The following MARCHF10 variants were observed in gnomAD, a reference collection of about 807,000 sequenced individuals.
MARCHF10 encodes the protein probable E3 ubiquitin-protein ligase MARCHF10.
Under a neutral mutation model 76.2 loss-of-function variants are expected in MARCHF10, and 64 were observed. The ratio of observed to expected loss-of-function variants is 0.84; its 90% CI spans 0.69 to 1.03. MARCHF10 has a LOEUF of 1.03. Among genes scored for constraint, MARCHF10 ranks in the 50% least tolerant of loss-of-function variants. The pLI, the probability that MARCHF10 is intolerant of heterozygous loss-of-function variation, is 0.00. For missense variants in MARCHF10, 875 were observed against 958.0 expected (o/e 0.91, Z 1.14); for synonymous variants, 340 against 357.5 (o/e 0.95, Z 0.55).
At chr17:62,724,591 C>T (rs1378466777) in intron 7 of MARCHF10, among the ~76,000 whole-genome samples, 1 of 152,174 alleles carries the variant, frequency 6.6e-6, no homozygotes, top group African/African-American at 2.4e-5. Context: ...TGAGCTTCCA[C>T]CGCTGACCCA....
At chr17:62,774,683 G>A (rs751651660) in intron 3 of MARCHF10, among the ~76,000 whole-genome samples, 5 of 152,182 alleles carry the variant, frequency 3.3e-5, no homozygotes, top group African/African-American at 4.8e-5. Flanking sequence ...CTCCTGTAAC[G>A]TCCTCTCTAC....
chr17:62,766,667 T>C lies in MARCHF10; in HGVS notation c.211-6661A>G, dbSNP rs1347399457. Among the ~76,000 whole-genome samples, 3 of 152,156 alleles carry C rather than the reference T, an allele frequency of 2.0e-5. No homozygotes were observed. The East Asian group carries it at 5.8e-4, about 29-fold the overall frequency. On this transcript the variant is annotated intron_variant, in intron 3 of 10. Transcript: ENST00000311269. ...CATATTCTTTTAGCTGAGAGGAGCA[T>C]CTGAGCAACACCAGGGGGCTTGGCC...
chr17:62,755,501 G>A (rs1478245960), intron 4 of MARCHF10, among the ~76,000 whole-genome samples: 1 of 152,160 alleles, frequency 6.6e-6, no homozygotes, highest in Non-Finnish European at 1.5e-5. Flanking sequence ...CTCTGCACTC[G>A]CTGGGCCTGC....
At chr17:62,727,043 T>C (rs987201438) in intron 6 of MARCHF10, among the ~76,000 whole-genome samples, 2 of 152,234 alleles carry the variant, frequency 1.3e-5, no homozygotes, top group African/African-American at 4.8e-5. Context: ...GTAGAGATTT[T>C]ACAAACAGAT....
At chr17:62,758,574 C>T (rs570125832) in intron 4 of MARCHF10, among the ~76,000 whole-genome samples, 1 of 152,242 alleles carries the variant, frequency 6.6e-6, no homozygotes, top group East Asian at 1.9e-4. Flanking sequence ...GATACTTTCC[C>T]CTGATTAAAT....
chr17:62,789,331 G>A (rs1432955438), intron 2 of MARCHF10, among the ~76,000 whole-genome samples: 1 of 152,088 alleles, frequency 6.6e-6, no homozygotes, highest in Non-Finnish European at 1.5e-5. Context: ...CAACATCAGA[G>A]CATGTGTGTT....
chr17:62,707,814 G>T (rs2089684941), intron 9 of MARCHF10, among the ~76,000 whole-genome samples: 1 of 152,190 alleles, frequency 6.6e-6, no homozygotes, highest in Non-Finnish European at 1.5e-5. Flanking sequence ...ATTCCCAGAA[G>T]CTAGTTTAGA....
At chr17:62,783,203 T>G (rs1225045041) in intron 3 of MARCHF10, among the ~76,000 whole-genome samples, 23 of 147,186 alleles carry the variant, frequency 1.6e-4, no homozygotes, top group Non-Finnish European at 3.1e-4. Context: ...AGTTTTTTTT[T>G]TTTTTTTTTT....
chr17:62,740,785 C>G (rs1423793676), intron 5 of MARCHF10, among the ~76,000 whole-genome samples: 1 of 151,966 alleles, frequency 6.6e-6, no homozygotes, highest in Non-Finnish European at 1.5e-5. Context: ...TGCCACCACA[C>G]CTGGCTCATT....
intron 8 of MARCHF10, among the ~76,000 whole-genome samples, chr17:62,720,006 C>T (rs1366527588): frequency 6.6e-6 from 1 of 152,178 alleles, no homozygotes; most frequent in Non-Finnish European, 1.5e-5. Context: ...GAGTTTTTCA[C>T]CTCTATCATT....
intron 10 of MARCHF10, chr17:62,705,041 T>C: frequency 1.0e-6 from 1 of 1,000,206 alleles, no homozygotes. Context: ...GGGCCCTTTC[T>C]TGGGAGACCT....
At chr17:62,763,975 G>T (rs1185750613) in intron 3 of MARCHF10, among the ~76,000 whole-genome samples, 1 of 152,110 alleles carries the variant, frequency 6.6e-6, no homozygotes, top group African/African-American at 2.4e-5. Flanking sequence ...TCACAGAAAG[G>T]CCCACACTGA....
At chr17:62,710,550 C>CTTTTTTTTTTTTTTTTTTT (rs552647502) in intron 9 of MARCHF10, among the ~76,000 whole-genome samples, 1 of 88,620 alleles carries the variant, frequency 1.1e-5, no homozygotes, top group African/African-American at 5.1e-5. Context: ...TTGAACCCAG[C>CTTTTTTTTTTTTTTTTTTT]TTTTTTTTTT....
chr17:62,711,696 C>T lies in MARCHF10; in HGVS notation c.2215-352G>A, dbSNP rs191446443. Reference sequence around the variant, plus strand: ...AAGCCTCAGAACTCCCTGCTGGGAACCGATCACCTGGTGTGGGGGAGAGAG... The same window carrying T: ...AAGCCTCAGAACTCCCTGCTGGGAATCGATCACCTGGTGTGGGGGAGAGAG... On this transcript the variant is annotated intron_variant, in intron 8 of 10. Coordinates refer to ENST00000311269, the MANE Select transcript of MARCHF10 (RefSeq NM_152598.4). The surrounding 1 kb of genome is among the most constrained non-coding windows in gnomAD (Gnocchi z 4.4). Among the ~76,000 whole-genome samples, 1,095 of 152,316 alleles carry T rather than the reference C, an allele frequency of 7.2e-3. 10 individuals are homozygous for T. The highest frequency in any genetic ancestry group is 0.025 in the African/African-American group (1,045 of 41,562).
intron 3 of MARCHF10, among the ~76,000 whole-genome samples, chr17:62,785,546 A>T (rs2092730348): frequency 6.6e-6 from 1 of 152,256 alleles, no homozygotes; most frequent in South Asian, 2.1e-4. Flanking sequence ...TAAACTAAAG[A>T]ACTTCTGCAC....
rs778173408 is a variant in MARCHF10 at position 62,735,955 on chromosome 17, T to C, written c.1913A>G (p.Glu638Gly). ...CCTTTCTTGCAATTTCTTGAGTTTC[T>C]CAGGGTCTGCCTTTATCTTACTGGT... The part of the protein sequence containing the change: ...KETSKIKADP[E>G]KLKKLQESLL... The change falls in exon 6 of 11, where the codon GAG (glutamate) becomes GGG (glycine). Residue 638 changes from glutamate to glycine, a missense_variant. By Grantham distance (98) the Glu-to-Gly change is moderately conservative. Coordinates refer to ENST00000311269, the MANE Select transcript of MARCHF10 (RefSeq NM_152598.4). 6.2e-7 allele frequency: 1 copy of C among 1,603,982 alleles called. No individual in the cohort carries two copies. The highest frequency in any genetic ancestry group is 8.5e-7 in the Non-Finnish European group (1 of 1,177,960).
intron 4 of MARCHF10, among the ~76,000 whole-genome samples, chr17:62,753,687 C>G (rs1281552671): frequency 6.6e-6 from 1 of 152,226 alleles, no homozygotes; most frequent in Non-Finnish European, 1.5e-5. Flanking sequence ...TTCTTGCCCT[C>G]TTCACCTGGT....
intron 6 of MARCHF10, among the ~76,000 whole-genome samples, chr17:62,729,260 T>A (rs1032090648): frequency 6.6e-6 from 1 of 151,956 alleles, no homozygotes; most frequent in Non-Finnish European, 1.5e-5. Context: ...TTTTAACATA[T>A]GTATTTTATA....
At chr17:62,788,443 G>C (rs928490505) in intron 3 of MARCHF10, 37 bp downstream of exon 3, 1 of 1,612,148 alleles carries the variant, frequency 6.2e-7, no homozygotes, top group African/African-American at 1.3e-5. Flanking sequence ...AGCAGCAGCA[G>C]CAGCCCCAGG....
Sources: allele counts gnomAD v4.1 joint callset (sites outside exome capture counted in the v4.1 genomes callset), GRCh38; gene constraint gnomAD v4.1.1; non-coding constraint Gnocchi (gnomAD v3.1); transcripts MANE v1.5; gene names NCBI Gene and HGNC (gene_info 2026-07-23, HGNC 2026-07-21).